Variants in CEP76 observed in about 807,000 individuals in gnomAD.
CEP76 encodes centrosomal protein 76, also known as centrosomal protein of 76 kDa.
A neutral mutation model predicts 83.3 loss-of-function variants in CEP76; 55 were observed. That is an observed-to-expected ratio of 0.66 (90% CI 0.53 to 0.83). CEP76 has a LOEUF of 0.83. CEP76 is among the 40% of genes least tolerant of loss of function. The probability of loss-of-function intolerance (pLI) is 0.00; values close to 1 mark genes in which losing one functional copy is unlikely to be tolerated. For synonymous variants in CEP76, 270 were observed against 274.5 expected, an observed-to-expected ratio of 0.98 and a Z score of 0.16; for missense variants, 694 against 799.5, an observed-to-expected ratio of 0.87 and a Z score of 1.59.
intron 1 of CEP76, 188 bp downstream of exon 1, chr18:12,702,297 GT>G: frequency 1.8e-6 from 1 of 552,206 alleles, no homozygotes; most frequent in Non-Finnish European, 3.2e-6. Context: ...TGCTCGGCTC[GT>G]TTTCTTTCTC....
intron 8 of CEP76, among the ~76,000 whole-genome samples, chr18:12,682,327 C>T (rs2039380857): frequency 6.6e-6 from 1 of 152,034 alleles, no homozygotes; most frequent in Admixed American, 6.6e-5. Flanking sequence ...ATAGCTGGGA[C>T]CACAGGCACT....
intron 10 of CEP76, among the ~76,000 whole-genome samples, chr18:12,675,881 C>G (rs1486122287): frequency 6.6e-6 from 1 of 151,968 alleles, no homozygotes; most frequent in Non-Finnish European, 1.5e-5. Context: ...GTTGGCCAGG[C>G]TGGTCTCAAA....
intron 1 of CEP76, among the ~76,000 whole-genome samples, chr18:12,701,548 AACCTAGTGTAGTG>A (rs1327793269): frequency 6.6e-6 from 1 of 152,114 alleles, no homozygotes; most frequent in Non-Finnish European, 1.5e-5. Flanking sequence ...AGAATGGAAA[AACCTAGTGTAGTG>A]CCCTCTCACG....
At chr18:12,686,056 T>A (rs1713802261) in intron 8 of CEP76, 1 of 446,998 alleles carries the variant, frequency 2.2e-6, no homozygotes, top group East Asian at 3.8e-5. Context: ...CACCATTTTT[T>A]AATTTGTACT....
At chr18:12,685,287 A>AC (rs2039502711) in intron 8 of CEP76, 1 of 152,222 alleles carries the variant, frequency 6.6e-6, no homozygotes, top group Non-Finnish European at 1.5e-5. Context: ...GGCATGAGCC[A>AC]CCACGCCCAG....
chr18:12,674,322 G>T (rs565097619), intron 11 of CEP76, among the ~76,000 whole-genome samples: 1 of 151,990 alleles, frequency 6.6e-6, no homozygotes, highest in African/African-American at 2.4e-5. Context: ...CATGCCTGTG[G>T]TCCCAGTTGC....
chr18:12,668,734 CTTTTTTTTTTTT>C (rs543253434), downstream of CEP76, among the ~76,000 whole-genome samples: 2 of 96,644 alleles, frequency 2.1e-5, no homozygotes, highest in African/African-American at 3.9e-5. Context: ...CACTTTATTC[CTTTTTTTTTTTT>C]TTTTTTTTTT....
intron 1 of CEP76, 59 bp from the exon 2 acceptor site, chr18:12,701,172 T>C: frequency 7.4e-7 from 1 of 1,346,174 alleles, no homozygotes; most frequent in South Asian, 1.3e-5. Context: ...ATACTGCTTC[T>C]GAAGTTTTAA....
Position 12,702,584 on chromosome 18 carries a change from C to A in CEP76, c.-36G>T. On this transcript the variant is annotated 5_prime_UTR_variant, in exon 1 of 12. Coordinates refer to ENST00000262127, the MANE Select transcript of CEP76 (RefSeq NM_024899.4). ...GGCGTCTCCCCGCCGCTTCTCCCCG[C>A]CTCAGATGCCCTAACTGCGCGGCCC... The A allele has an allele frequency of 6.3e-7, 1 of 1,588,206 alleles. No individual in the cohort carries two copies. The highest frequency in any genetic ancestry group is 8.5e-7 in the Non-Finnish European group (1 of 1,171,124).
intron 4 of CEP76, 108 bp from the exon 5 acceptor site, chr18:12,697,516 G>A (rs1810029656): frequency 5.3e-6 from 4 of 755,410 alleles, no homozygotes; most frequent in Non-Finnish European, 8.0e-6. Context: ...TAAAACCAAA[G>A]AGAACAATTT....
In CEP76 at chr18:12,687,750, G is replaced by A. The variant is rs1213774477; in HGVS notation, c.934-1300C>T. ...TTACAGGTGTGAGCCACTGTGCCTG[G>A]CCTAGAGGGCACCGATTTTTAAAAC... On this transcript the variant is annotated intron_variant, in intron 7 of 11. Coordinates refer to ENST00000262127, the MANE Select transcript of CEP76 (RefSeq NM_024899.4). Among the ~76,000 whole-genome samples the A allele has an allele frequency of 4.0e-5, 6 of 151,744 alleles. No homozygotes were observed. In the South Asian group the frequency reaches 1.0e-3, roughly 26 times the overall value.
At chr18:12,678,023 G>C in intron 10 of CEP76, 86 bp downstream of exon 10, 2 of 998,778 alleles carry the variant, frequency 2.0e-6, no homozygotes, top group Admixed American at 2.2e-5. Flanking sequence ...CTAGAATAGT[G>C]ACTGGCACTA....
At chr18:12,678,729 G>C (rs535173895) in intron 9 of CEP76, among the ~76,000 whole-genome samples, 40 of 152,210 alleles carry the variant, frequency 2.6e-4, no homozygotes, top group Admixed American at 9.2e-4. Context: ...GCCGAGGCAG[G>C]GGGATCACCT....
intron 10 of CEP76, among the ~76,000 whole-genome samples, chr18:12,675,077 T>TACATTTTGAG (rs113084450): frequency 0.021 from 3,115 of 151,628 alleles, 120 homozygotes; most frequent in African/African-American, 0.071. Context: ...GTATAATTCT[T>TACATTTTGAG]ATATTTTGAG....
At chr18:12,686,151 C>T (rs2039533409) in intron 8 of CEP76, 111 bp downstream of exon 8, 3 of 770,876 alleles carry the variant, frequency 3.9e-6, no homozygotes, top group Admixed American at 6.3e-5. Context: ...CCTGTGGGTA[C>T]AGAGGGTTGA....
intron 5 of CEP76, among the ~76,000 whole-genome samples, chr18:12,695,967 A>C (rs2039942738): frequency 6.6e-6 from 1 of 152,114 alleles, no homozygotes; most frequent in African/African-American, 2.4e-5. Flanking sequence ...GGCTGAGTAG[A>C]AATTTTCAAT....
At chr18:12,690,291 G>C (rs1309355601) in intron 7 of CEP76, among the ~76,000 whole-genome samples, 2 of 152,164 alleles carry the variant, frequency 1.3e-5, no homozygotes, top group Non-Finnish European at 2.9e-5. Flanking sequence ...AAAATCTAGG[G>C]AAAGTAGGGT....
intron 8 of CEP76, among the ~76,000 whole-genome samples, chr18:12,682,132 T>G (rs1192492100): frequency 6.6e-6 from 1 of 152,174 alleles, no homozygotes; most frequent in Non-Finnish European, 1.5e-5. Context: ...AAAATAACTA[T>G]TTGAGTTGAG....
intron 12 of CEP76, among the ~76,000 whole-genome samples, chr18:12,664,848 G>A (rs547225050): frequency 2.0e-5 from 3 of 151,676 alleles, no homozygotes; most frequent in African/African-American, 4.8e-5. Flanking sequence ...ACAGGCGCCC[G>A]TCACCATGCC....
Sources: allele counts gnomAD v4.1 joint callset (sites outside exome capture counted in the v4.1 genomes callset), GRCh38; gene constraint gnomAD v4.1.1; transcripts MANE v1.5; gene names NCBI Gene and HGNC (gene_info 2026-07-23, HGNC 2026-07-21).